The following INPP5F variants were observed in gnomAD, a reference collection of about 807,000 sequenced individuals.
The protein encoded by INPP5F is inositol polyphosphate-5-phosphatase F, also known as phosphatidylinositide 4-phosphatase SAC2.
INPP5F carries 97 observed loss-of-function variants against 137.2 expected under a neutral mutation model. That is an observed-to-expected ratio of 0.71 (90% CI 0.60 to 0.84). INPP5F has a LOEUF of 0.84. Ranked by LOEUF, INPP5F falls within the 40% of genes least tolerant of loss-of-function variation. The probability of loss-of-function intolerance (pLI) is 0.00; values close to 1 mark genes in which losing one functional copy is unlikely to be tolerated. For synonymous variants in INPP5F, 504 were observed against 476.9 expected, an observed-to-expected ratio of 1.06 and a Z score of -0.74; for missense variants, 1,271 against 1,371.9, an observed-to-expected ratio of 0.93 and a Z score of 1.16.
intron 1 of INPP5F, among the ~76,000 whole-genome samples, chr10:119,728,135 G>GA (rs1847944874): frequency 6.6e-6 from 1 of 152,188 alleles, no homozygotes; most frequent in Non-Finnish European, 1.5e-5. Flanking sequence ...TTTGGGGGAG[G>GA]AAAGTAGCTA....
Position 119,827,761 on chromosome 10 carries a change from C to G in INPP5F, c.3380C>G (p.Thr1127Arg), listed in dbSNP as rs745583891. 1 of 1,606,122 alleles carries G rather than the reference C, an allele frequency of 6.2e-7. No individual in the cohort carries two copies. The highest frequency in any genetic ancestry group is 8.5e-7 in the Non-Finnish European group (1 of 1,176,174). The change falls in exon 20 of 20, where the codon ACA becomes AGA. Residue 1127 changes from threonine to arginine, a missense_variant. By Grantham distance (71) the Thr-to-Arg change is moderately conservative. This residue lies in a region of INPP5F where 490 missense variants were observed against 443.7 expected (regional missense o/e 1.10). Coordinates refer to ENST00000650623, the MANE Select transcript of INPP5F (RefSeq NM_014937.4). ...ELKKMFIQCQ[T>R]RIIQI is the part of the protein sequence containing the mutation. ...AAAAAGATGTTTATACAATGCCAGA[C>G]ACGGATAATTCAGATTTAGCTTTTA...
In INPP5F at chr10:119,829,039, C is replaced by T. The variant is rs190665869; in HGVS notation, c.*1259C>T. 5.2e-5 allele frequency: 8 copies of T among 152,480 alleles called. No individual in the cohort carries two copies. Among genetic ancestry groups the T allele is most frequent in the Admixed American group, 4.6e-4 (7 of 15,276 alleles). The allele number at this position is 152,480 out of a possible 1,614,324, so 9.4% of individuals were successfully genotyped here. A position where few individuals can be genotyped will look rare whatever the true frequency, so the allele number is the denominator to read the frequency against. On this transcript the variant is annotated 3_prime_UTR_variant, in exon 20 of 20. Transcript: ENST00000650623. ...ACTGATTCTCAACTGAACATTATGT[C>T]GTTACTTTGATAAGCATTCCACTTT...
At chr10:119,822,949 A>G (rs1851620474) in intron 17 of INPP5F, 122 bp from the exon 18 acceptor site, 10 of 934,972 alleles carry the variant, frequency 1.1e-5, no homozygotes, top group African/African-American at 1.7e-5. Flanking sequence ...GGTCACCAGA[A>G]GTTTGTATTT....
intron 2 of INPP5F, among the ~76,000 whole-genome samples, chr10:119,761,297 A>T (rs1849002057): frequency 6.6e-6 from 1 of 152,216 alleles, no homozygotes; most frequent in Non-Finnish European, 1.5e-5. Context: ...AGACTTAGGA[A>T]ACTTTAGTAA....
At chr10:119,752,038 T>C (rs1258973257) in intron 2 of INPP5F, among the ~76,000 whole-genome samples, 1 of 152,252 alleles carries the variant, frequency 6.6e-6, no homozygotes, top group Non-Finnish European at 1.5e-5. Context: ...TGTATAATTG[T>C]GAGTATATAT....
chr10:119,802,504 T>C (rs1337433148), intron 9 of INPP5F, among the ~76,000 whole-genome samples: 3 of 152,168 alleles, frequency 2.0e-5, no homozygotes, highest in Non-Finnish European at 2.9e-5. Flanking sequence ...AAAACAAAAC[T>C]ATGCCATATA....
At chr10:119,821,283 A>G (rs1851548847) in intron 16 of INPP5F, among the ~76,000 whole-genome samples, 1 of 152,066 alleles carries the variant, frequency 6.6e-6, no homozygotes, top group Non-Finnish European at 1.5e-5. Context: ...TTAGGTATTA[A>G]ATTACTTACA....
intron 2 of INPP5F, among the ~76,000 whole-genome samples, chr10:119,762,593 A>G (rs1224202467): frequency 6.6e-6 from 1 of 152,230 alleles, no homozygotes; most frequent in East Asian, 1.9e-4. Flanking sequence ...TAATATTAAC[A>G]ACTATAAACA....
chr10:119,795,901 C>A (rs991424957), intron 6 of INPP5F, among the ~76,000 whole-genome samples: 1 of 152,200 alleles, frequency 6.6e-6, no homozygotes, highest in African/African-American at 2.4e-5. Context: ...CACGGGGAAA[C>A]CCCGTCTCCA....
intron 1 of INPP5F, among the ~76,000 whole-genome samples, chr10:119,744,610 G>A (rs566767209): frequency 1.2e-4 from 19 of 152,162 alleles, no homozygotes; most frequent in Admixed American, 1.0e-3. Context: ...GGAGTGCAGT[G>A]GCACCATCAG....
rs1322916884 is a variant in INPP5F at position 119,743,481 on chromosome 10, G to A, written c.98-7595G>A. On this transcript the variant is annotated intron_variant, in intron 1 of 19. Coordinates refer to ENST00000650623, the MANE Select transcript of INPP5F (RefSeq NM_014937.4). Reference sequence around the variant, plus strand: ...CACAGGGTTTAGGGGATCCACACGAGAGAGTCTGGTCAGCTCTGCTGGGTG... The same window carrying A: ...CACAGGGTTTAGGGGATCCACACGAAAGAGTCTGGTCAGCTCTGCTGGGTG... Among the ~76,000 whole-genome samples the A allele has an allele frequency of 3.3e-5, 5 of 152,168 alleles. No individual in the cohort carries two copies. The South Asian group carries it at 6.2e-4, about 19-fold the overall frequency.
At chr10:119,754,352 G>C (rs955824204) in intron 2 of INPP5F, among the ~76,000 whole-genome samples, 5 of 152,154 alleles carry the variant, frequency 3.3e-5, no homozygotes, top group African/African-American at 1.2e-4. Context: ...TCAAAGTATG[G>C]TCATTTAGGA....
At chr10:119,738,848 T>C (rs901879185) in intron 1 of INPP5F, among the ~76,000 whole-genome samples, 1 of 152,132 alleles carries the variant, frequency 6.6e-6, no homozygotes, top group African/African-American at 2.4e-5. Flanking sequence ...TTTGTGTACC[T>C]GCTAGAGTTT....
At chr10:119,798,695 T>C in intron 9 of INPP5F, 85 bp downstream of exon 9, 1 of 814,826 alleles carries the variant, frequency 1.2e-6, no homozygotes, top group Non-Finnish European at 1.9e-6. Context: ...AACATTGTAC[T>C]ATTCAAAATT....
chr10:119,806,480 G>A lies in INPP5F; in HGVS notation c.1440G>A (p.Gln480=). The change falls in exon 12 of 20, where the codon CAG becomes CAA. Residue 480 remains glutamine (Q), a splice_region_variant and synonymous_variant. Coordinates refer to ENST00000650623, the MANE Select transcript of INPP5F (RefSeq NM_014937.4). ...AAIARVVMEQ[Q]LKKLGVMPPE... ...TCGCGAGAGTGGTCATGGAACAGCA[G>A]GTAATTTGGAGTCTGTTGGATTGCA... is the stretch of plus-strand genomic sequence containing the variant. 5 of 1,593,612 alleles carry A rather than the reference G, an allele frequency of 3.1e-6. No homozygotes were observed. The highest frequency in any genetic ancestry group is 4.3e-6 in the Non-Finnish European group (5 of 1,172,418).
Position 119,827,729 on chromosome 10 carries a change from T to G in INPP5F, c.3348T>G (p.Asn1116Lys), listed in dbSNP as rs1217245991. ...AAATCATTAATCAAGTCCAGCAAAA[T>G]GAACTTAAAAAGATGTTTATACAAT... ...EPEIINQVQQ[N>K]ELKKMFIQCQ... The change falls in exon 20 of 20, where the codon AAT (asparagine) becomes AAG (lysine). Residue 1116 changes from asparagine (N) to lysine (K), a missense_variant. Transcript: ENST00000650623. 4.3e-6 allele frequency: 7 copies of G among 1,613,448 alleles called. No homozygotes were observed. The highest frequency in any genetic ancestry group is 1.6e-4 in the Middle Eastern group (1 of 6,084).
intron 2 of INPP5F, among the ~76,000 whole-genome samples, chr10:119,775,991 T>C (rs939684792): frequency 6.6e-6 from 1 of 152,208 alleles, no homozygotes; most frequent in African/African-American, 2.4e-5. Context: ...AATAGCATCA[T>C]GAATTATACA....
chr10:119,819,518 A>G, intron 15 of INPP5F: 1 of 1,605,774 alleles, frequency 6.2e-7, no homozygotes, highest in Non-Finnish European at 8.5e-7. Context: ...GCTTGGCTCA[A>G]GCAACAATTT....
At chr10:119,733,535 T>C (rs566768570) in intron 1 of INPP5F, among the ~76,000 whole-genome samples, 4 of 152,304 alleles carry the variant, frequency 2.6e-5, no homozygotes, top group African/African-American at 4.8e-5. Context: ...TCCAATTTCA[T>C]AGACATCCTT....
Sources: allele counts gnomAD v4.1 joint callset (sites outside exome capture counted in the v4.1 genomes callset), GRCh38; gene constraint gnomAD v4.1.1; regional missense constraint gnomAD v4.1.1; transcripts MANE v1.5; gene names NCBI Gene and HGNC (gene_info 2026-07-23, HGNC 2026-07-21).